Variants in KPNA4 observed in about 807,000 individuals in gnomAD.
KPNA4 encodes the protein importin subunit alpha-3.
In KPNA4, 13 loss-of-function variants were observed where a neutral mutation model predicts 71.3. The ratio of observed to expected loss-of-function variants is 0.18; its 90% CI spans 0.12 to 0.29. The LOEUF is 0.29. KPNA4 is among the 10% of genes least tolerant of loss of function. The pLI is 1.00. For missense variants in KPNA4, 334 were observed against 603.2 expected, an observed-to-expected ratio of 0.55 and a Z score of 4.67; for synonymous variants, 189 against 195.2, an observed-to-expected ratio of 0.97 and a Z score of 0.26.
At position 160,532,229 on chromosome 3, in the gene KPNA4, G is replaced by T. The variant is rs76443284; in HGVS notation, c.288-672C>A. On this transcript the variant is annotated intron_variant, in intron 5 of 16. Coordinates refer to ENST00000334256, the MANE Select transcript of KPNA4 (RefSeq NM_002268.5). ...TTGAGTTCAGAGAAAAAAATGGGCA[G>T]ATTTCTTCAACACAGCTTTTACCTT... 1.5e-3 allele frequency among the ~76,000 whole-genome samples: 223 copies of T among 152,324 alleles called. 5 individuals are homozygous for T. In the East Asian group the frequency reaches 0.039, roughly 27 times the overall value.
intron 1 of KPNA4, among the ~76,000 whole-genome samples, chr3:160,562,850 C>T (rs1368308008): frequency 2.0e-5 from 3 of 152,164 alleles, no homozygotes; most frequent in Admixed American, 1.3e-4. Context: ...AAAAGTCACA[C>T]ATCACAATAT....
intron 1 of KPNA4, among the ~76,000 whole-genome samples, chr3:160,558,316 G>A (rs927726827): frequency 1.3e-5 from 2 of 152,154 alleles, no homozygotes; most frequent in African/African-American, 4.8e-5. Flanking sequence ...GGCACACAGA[G>A]GTACAAGAGG....
intron 11 of KPNA4, among the ~76,000 whole-genome samples, chr3:160,521,045 A>T (rs1721338882): frequency 6.6e-6 from 1 of 152,226 alleles, no homozygotes; most frequent in African/African-American, 2.4e-5. Flanking sequence ...AATTTAAATA[A>T]GTGAAAAGCA....
Position 160,497,633 on chromosome 3 carries a change from C to T in KPNA4, c.*4471G>A, listed in dbSNP as rs1388905467. On this transcript the variant is annotated 3_prime_UTR_variant, in exon 17 of 17. Coordinates refer to ENST00000334256, the MANE Select transcript of KPNA4 (RefSeq NM_002268.5). Reference sequence around the variant, plus strand: ...GGGAGTATTGCCTCAGATATCTGGGCAAAATTTTTTCCTCCCATAATATTA... The same window carrying T: ...GGGAGTATTGCCTCAGATATCTGGGTAAAATTTTTTCCTCCCATAATATTA... 1 of 152,082 alleles carries T rather than the reference C, an allele frequency of 6.6e-6. No individual in the cohort carries two copies. The highest frequency in any genetic ancestry group is 2.4e-5 in the African/African-American group (1 of 41,406). 9.4% of individuals were successfully genotyped at this position (152,082 alleles called of 1,614,324 possible).
At position 160,515,444 on chromosome 3, in the gene KPNA4, G is replaced by A. The variant is rs776268836; in HGVS notation, c.1032+8C>T. On this transcript the variant is annotated splice_region_variant and intron_variant, in intron 12 of 16. Transcript: ENST00000334256. ...GCTATCTATTAAGTAGTATTTAATA[G>A]TACTTACTTTATTAATTTTCTCTTT... 19 of 1,604,074 alleles carry A rather than the reference G, an allele frequency of 1.2e-5. No homozygotes were observed. The highest frequency in any genetic ancestry group is 1.5e-5 in the Non-Finnish European group (18 of 1,172,958).
chr3:160,540,480 A>G lies in KPNA4; in HGVS notation c.70-3640T>C, dbSNP rs183862111. 1.2e-4 allele frequency among the ~76,000 whole-genome samples: 19 copies of G among 152,304 alleles called. No individual in the cohort carries two copies. The South Asian group carries it at 3.5e-3, about 28-fold the overall frequency. ...AAATAAGAGATTTGACAATCCCTTCATTATAGAGCAAGGGTTTTCTTTTCC... is the reference window on the plus strand; with the variant it reads ...AAATAAGAGATTTGACAATCCCTTCGTTATAGAGCAAGGGTTTTCTTTTCC... On this transcript the variant is annotated intron_variant, in intron 1 of 16. Coordinates refer to ENST00000334256, the MANE Select transcript of KPNA4 (RefSeq NM_002268.5).
chr3:160,502,617 T>G (rs114167330), intron 16 of KPNA4, among the ~76,000 whole-genome samples: 350 of 152,218 alleles, frequency 2.3e-3, no homozygotes, highest in Middle Eastern at 0.014. Flanking sequence ...GCAATCTGCC[T>G]GTCTTGACCT....
intron 1 of KPNA4, among the ~76,000 whole-genome samples, chr3:160,562,270 C>T (rs1722258526): frequency 1.3e-5 from 2 of 152,024 alleles, no homozygotes; most frequent in South Asian, 4.1e-4. Flanking sequence ...TAATATGAAA[C>T]GTCTCAATTA....
At chr3:160,512,103 T>C (rs1031774320) in intron 13 of KPNA4, among the ~76,000 whole-genome samples, 1 of 152,092 alleles carries the variant, frequency 6.6e-6, no homozygotes, top group Non-Finnish European at 1.5e-5. Context: ...CTAGAAAAAA[T>C]GACAACATTA....
intron 13 of KPNA4, among the ~76,000 whole-genome samples, chr3:160,511,913 TAA>T (rs1374797125): frequency 6.6e-6 from 1 of 151,936 alleles, no homozygotes; most frequent in Non-Finnish European, 1.5e-5. Context: ...ATTTTCAGCA[TAA>T]AAGAGATGTA....
At chr3:160,547,140 A>C (rs1721928242) in intron 1 of KPNA4, among the ~76,000 whole-genome samples, 1 of 152,244 alleles carries the variant, frequency 6.6e-6, no homozygotes, top group Non-Finnish European at 1.5e-5. Context: ...TGAAATGTCA[A>C]ATATACAAAC....
chr3:160,546,044 G>A (rs1721898864), intron 1 of KPNA4, among the ~76,000 whole-genome samples: 1 of 151,286 alleles, frequency 6.6e-6, no homozygotes, highest in African/African-American at 2.4e-5. Context: ...GTAGTCTGTT[G>A]AATCTTGAGT....
At chr3:160,561,537 G>A (rs1204884066) in intron 1 of KPNA4, among the ~76,000 whole-genome samples, 3 of 151,966 alleles carry the variant, frequency 2.0e-5, no homozygotes, top group Non-Finnish European at 4.4e-5. Flanking sequence ...TGGTGCGTTT[G>A]TGTTTCAAGA....
At chr3:160,515,248 A>G (rs772265563) in intron 12 of KPNA4, 4 of 635,128 alleles carry the variant, frequency 6.3e-6, no homozygotes, top group African/African-American at 1.8e-5. Flanking sequence ...GAGAGCCAAA[A>G]TTGCACTTTT....
intron 1 of KPNA4, among the ~76,000 whole-genome samples, chr3:160,564,911 C>G (rs976834032): frequency 6.8e-6 from 1 of 147,022 alleles, no homozygotes; most frequent in East Asian, 2.0e-4. Flanking sequence ...CTCCTCCGCA[C>G]GCGCCGCGCC....
intron 1 of KPNA4, among the ~76,000 whole-genome samples, chr3:160,559,599 G>A (rs1186387781): frequency 6.6e-6 from 1 of 152,138 alleles, no homozygotes; most frequent in African/African-American, 2.4e-5. Flanking sequence ...TGTGGCTTCA[G>A]ATTCTACATT....
rs1317955942 is a variant in KPNA4 at position 160,500,469 on chromosome 3, C to T, written c.*1635G>A. On this transcript the variant is annotated 3_prime_UTR_variant, in exon 17 of 17. Coordinates refer to ENST00000334256, the MANE Select transcript of KPNA4 (RefSeq NM_002268.5). ...ATAGCAAACTGTTGTTCATGCAACA[C>T]TTGTGCTCAAAGGGGAAGGCACAGG... 1 of 152,628 alleles carries T rather than the reference C, an allele frequency of 6.6e-6. No individual in the cohort carries two copies. The highest frequency in any genetic ancestry group is 1.5e-5 in the Non-Finnish European group (1 of 68,020). 9.5% of individuals were successfully genotyped at this position (152,628 alleles called of 1,614,324 possible).
At chr3:160,504,035 G>A (rs1457819104) in intron 16 of KPNA4, among the ~76,000 whole-genome samples, 1 of 152,000 alleles carries the variant, frequency 6.6e-6, no homozygotes, top group Non-Finnish European at 1.5e-5. Context: ...AGTGAGCTGT[G>A]ACTGCGCCAA....
intron 15 of KPNA4, among the ~76,000 whole-genome samples, chr3:160,505,628 T>A (rs748912988): frequency 2.0e-5 from 3 of 152,144 alleles, no homozygotes; most frequent in Non-Finnish European, 4.4e-5. Flanking sequence ...ACAAATTGGA[T>A]CCTGTTTTAC....
Sources: allele counts gnomAD v4.1 joint callset (sites outside exome capture counted in the v4.1 genomes callset), GRCh38; gene constraint gnomAD v4.1.1; transcripts MANE v1.5; gene names NCBI Gene and HGNC (gene_info 2026-07-23, HGNC 2026-07-21).